The following PXDNL variants were observed in gnomAD, a reference collection of about 807,000 sequenced individuals.
PXDNL encodes probable oxidoreductase PXDNL.
A neutral mutation model predicts 150.8 loss-of-function variants in PXDNL; 145 were observed. The observed-to-expected ratio is 0.96, with a 90% CI of 0.84 to 1.10. The LOEUF (loss-of-function observed/expected upper bound fraction) is 1.10. PXDNL is among the 50% of genes least tolerant of loss of function. PXDNL has a pLI of 0.00. For synonymous variants in PXDNL, 757 were observed against 725.7 expected, an observed-to-expected ratio of 1.04 and a Z score of -0.69; for missense variants, 2,087 against 1,873.9, an observed-to-expected ratio of 1.11 and a Z score of -2.10.
At chr8:51,790,139 AAAC>A (rs1169556083) in intron 1 of PXDNL, among the ~76,000 whole-genome samples, 2 of 152,134 alleles carry the variant, frequency 1.3e-5, no homozygotes, top group Admixed American at 6.5e-5. Flanking sequence ...TGGGAAAAGA[AAAC>A]AAAATTAATT....
At chr8:51,369,916 CT>C (rs1013559275) in intron 19 of PXDNL, among the ~76,000 whole-genome samples, 4 of 152,194 alleles carry the variant, frequency 2.6e-5, no homozygotes, top group Non-Finnish European at 4.4e-5. Context: ...AGGAGCCCTC[CT>C]CCGAGTCTTC....
intron 4 of PXDNL, among the ~76,000 whole-genome samples, chr8:51,539,788 T>C (rs1812170997): frequency 1.3e-5 from 2 of 152,226 alleles, no homozygotes; most frequent in South Asian, 2.1e-4. Flanking sequence ...AATATGCATA[T>C]TATCTGTAAT....
At chr8:51,681,169 C>A (rs1313307476) in intron 1 of PXDNL, among the ~76,000 whole-genome samples, 1 of 152,122 alleles carries the variant, frequency 6.6e-6, no homozygotes, top group East Asian at 1.9e-4. Context: ...TGTAAGAACA[C>A]AGGAAAACAA....
intron 19 of PXDNL, among the ~76,000 whole-genome samples, chr8:51,354,436 ACT>A (rs1806443741): frequency 6.6e-6 from 1 of 152,024 alleles, no homozygotes; most frequent in Non-Finnish European, 1.5e-5. Flanking sequence ...TTATGCGAAC[ACT>A]CTTGATCCTA....
At chr8:51,554,976 C>T (rs995014092) in intron 4 of PXDNL, among the ~76,000 whole-genome samples, 1 of 152,172 alleles carries the variant, frequency 6.6e-6, no homozygotes, top group Non-Finnish European at 1.5e-5. Flanking sequence ...TTATCCAGTT[C>T]CAAAGTCACT....
intron 21 of PXDNL, among the ~76,000 whole-genome samples, chr8:51,327,449 C>G (rs888535061): frequency 1.3e-5 from 2 of 152,154 alleles, no homozygotes; most frequent in Non-Finnish European, 2.9e-5. Flanking sequence ...TCTTATTAAC[C>G]AATTCATGTT....
At chr8:51,602,365 C>A (rs113465508) in intron 2 of PXDNL, among the ~76,000 whole-genome samples, 1 of 151,596 alleles carries the variant, frequency 6.6e-6, no homozygotes, top group Non-Finnish European at 1.5e-5. Context: ...TTAAAGACTT[C>A]GCTTATTTAA....
chr8:51,455,834 G>A (rs1586121426), intron 9 of PXDNL, among the ~76,000 whole-genome samples: 1 of 152,312 alleles, frequency 6.6e-6, no homozygotes, highest in Non-Finnish European at 1.5e-5. Flanking sequence ...TCAGTCTGCA[G>A]TGAGCTATGA....
chr8:51,471,933 G>A (rs1038310584), intron 8 of PXDNL, among the ~76,000 whole-genome samples: 4 of 151,966 alleles, frequency 2.6e-5, no homozygotes, highest in South Asian at 2.1e-4. Context: ...TGTGTGATCC[G>A]CCCACCTCGG....
At chr8:51,326,943 TAAAC>T (rs1365178790) in intron 21 of PXDNL, among the ~76,000 whole-genome samples, 1 of 152,074 alleles carries the variant, frequency 6.6e-6, no homozygotes, top group East Asian at 1.9e-4. Context: ...GATGCTCTCA[TAAAC>T]AAAGGAAATC....
intron 21 of PXDNL, 115 bp downstream of exon 21, chr8:51,339,509 G>T (rs1377639910): frequency 2.8e-6 from 3 of 1,088,930 alleles, no homozygotes; most frequent in South Asian, 3.4e-5. Context: ...TCCCTGTATA[G>T]GTTTTTATTA....
At chr8:51,707,150 C>A (rs924790073) in intron 1 of PXDNL, among the ~76,000 whole-genome samples, 4 of 152,174 alleles carry the variant, frequency 2.6e-5, no homozygotes, top group Non-Finnish European at 4.4e-5. Flanking sequence ...CTGAGCATCT[C>A]TGATATTTTC....
intron 21 of PXDNL, 64 bp from the exon 22 acceptor site, chr8:51,320,961 T>C: frequency 8.4e-7 from 1 of 1,188,992 alleles, no homozygotes; most frequent in East Asian, 2.3e-5. Flanking sequence ...AGCCAATCAA[T>C]AACATGGTTT....
intron 17 of PXDNL, among the ~76,000 whole-genome samples, chr8:51,398,130 C>A (rs796436036): frequency 3.3e-5 from 5 of 152,322 alleles, no homozygotes; most frequent in African/African-American, 1.2e-4. Flanking sequence ...AGCTTCCAAA[C>A]ACTGGACAAC....
At position 51,408,413 on chromosome 8, in the gene PXDNL, A is replaced by C. The variant is rs1475502817; in HGVS notation, c.3211T>G (p.Leu1071Val). 1.2e-6 allele frequency: 2 copies of C among 1,613,942 alleles called. No individual in the cohort carries two copies. Among genetic ancestry groups the C allele is most frequent in the Non-Finnish European group, 1.7e-6 (2 of 1,179,912 alleles). The change falls in exon 17 of 23, where the codon TTA (leucine) becomes GTA (valine). Residue 1071 changes from leucine to valine, a missense_variant. Physicochemically the swap from Leu to Val is conservative, Grantham distance 32. Coordinates refer to ENST00000356297, the MANE Select transcript of PXDNL (RefSeq NM_144651.5). ...AGGTGGCCTTCGGAAATTTCACCTAAGGTGGCATTCAGTCGGTAAAGAATA... is the reference window on the plus strand; with the variant it reads ...AGGTGGCCTTCGGAAATTTCACCTACGGTGGCATTCAGTCGGTAAAGAATA... ...NPILYRLNATLGEISEGHLPF... is the reference protein window; with the variant it reads ...NPILYRLNATVGEISEGHLPF...
chr8:51,636,237 G>C (rs1814599985), intron 2 of PXDNL, among the ~76,000 whole-genome samples: 1 of 152,062 alleles, frequency 6.6e-6, no homozygotes, highest in Admixed American at 6.6e-5. Context: ...TAAAAATCCA[G>C]ATAACATTAT....
chr8:51,703,991 C>A (rs1263721091), intron 1 of PXDNL, among the ~76,000 whole-genome samples: 3 of 152,126 alleles, frequency 2.0e-5, no homozygotes, highest in Non-Finnish European at 4.4e-5. Flanking sequence ...CTTGGCAAAT[C>A]CCAAAACCAA....
chr8:51,390,055 G>GCC (rs374763422), intron 17 of PXDNL, among the ~76,000 whole-genome samples: 20 of 150,900 alleles, frequency 1.3e-4, no homozygotes, highest in African/African-American at 4.9e-4. Context: ...TGGAAGCCAT[G>GCC]CCCCCCCCAC....
intron 3 of PXDNL, among the ~76,000 whole-genome samples, chr8:51,572,529 A>T (rs1197113178): frequency 6.6e-6 from 1 of 151,934 alleles, no homozygotes; most frequent in East Asian, 1.9e-4. Flanking sequence ...TGAAAGTAGA[A>T]TGGGTGCTAT....
Sources: gnomAD v4.1 joint callset for allele counts (sites outside exome capture counted in the v4.1 genomes callset) on GRCh38, gnomAD v4.1.1 for gene constraint, MANE v1.5 for transcripts, NCBI Gene and HGNC (gene_info 2026-07-23, HGNC 2026-07-21) for gene names.